The following APP variants were observed in gnomAD, a reference collection of about 807,000 sequenced individuals.
The protein encoded by APP is amyloid-beta precursor protein.
APP carries 31 observed loss-of-function variants against 101.4 expected under a neutral mutation model. The ratio of observed to expected loss-of-function variants is 0.31; its 90% CI spans 0.23 to 0.41. The LOEUF is 0.41. Ranked by LOEUF, APP falls within the 10% of genes least tolerant of loss-of-function variation. APP has a pLI of 1.00. For missense variants in APP, 839 were observed against 1,003.7 expected, an observed-to-expected ratio of 0.84 and a Z score of 2.22; for synonymous variants, 366 against 364.4, an observed-to-expected ratio of 1.00 and a Z score of -0.05.
At chr21:26,072,043 CTATT>C (rs768916844) in intron 3 of APP, among the ~76,000 whole-genome samples, 1 of 152,196 alleles carries the variant, frequency 6.6e-6, no homozygotes, top group Non-Finnish European at 1.5e-5. Flanking sequence ...GGGCAGTTGA[CTATT>C]TATATAAGTC....
intron 3 of APP, among the ~76,000 whole-genome samples, chr21:26,075,400 T>C (rs1003019566): frequency 5.3e-5 from 8 of 152,334 alleles, no homozygotes; most frequent in Admixed American, 3.3e-4. Context: ...TATCAGGCCC[T>C]CAAAGCCACT....
chr21:25,886,317 T>C (rs896951103), intron 17 of APP, among the ~76,000 whole-genome samples: 6 of 152,200 alleles, frequency 3.9e-5, no homozygotes, highest in Non-Finnish European at 7.3e-5. Flanking sequence ...TATATATAAC[T>C]AGAAGGCAGT....
At chr21:26,084,272 T>C (rs1450012301) in intron 3 of APP, among the ~76,000 whole-genome samples, 2 of 124,698 alleles carry the variant, frequency 1.6e-5, no homozygotes, top group Non-Finnish European at 3.2e-5. Context: ...TGAGTCTCGC[T>C]CTGTCCCCCA....
intron 2 of APP, among the ~76,000 whole-genome samples, chr21:26,102,005 C>A (rs1324133406): frequency 6.7e-6 from 1 of 150,188 alleles, no homozygotes; most frequent in East Asian, 1.9e-4. Context: ...GAAATAGATT[C>A]TTGAGATGTA....
chr21:25,914,748 T>C (rs2039269725), intron 13 of APP, among the ~76,000 whole-genome samples: 1 of 151,884 alleles, frequency 6.6e-6, no homozygotes, highest in Non-Finnish European at 1.5e-5. Context: ...AGAGACGGGG[T>C]TTCACCGTGT....
intron 16 of APP, among the ~76,000 whole-genome samples, chr21:25,896,286 T>C (rs533036522): frequency 6.6e-6 from 1 of 152,318 alleles, no homozygotes; most frequent in Non-Finnish European, 1.5e-5. Flanking sequence ...CAGTTTTTTA[T>C]TTGCTACAAT....
Position 25,901,952 on chromosome 21 carries a change from C to T in APP, c.1963+3072G>A, listed in dbSNP as rs529030649. Among the ~76,000 whole-genome samples the T allele has an allele frequency of 1.9e-3, 286 of 152,242 alleles. 2 individuals are homozygous for T. Among genetic ancestry groups the T allele is most frequent in the African/African-American group, 6.6e-3 (273 of 41,540 alleles). On this transcript the variant is annotated intron_variant, in intron 15 of 17. Transcript: ENST00000346798. ...CGCTAATGTGTTTTTCTTTTTTATTCTGGTCAAACTGTATAATTAGTCCTT... is the reference window on the plus strand; with the variant it reads ...CGCTAATGTGTTTTTCTTTTTTATTTTGGTCAAACTGTATAATTAGTCCTT...
chr21:25,954,300 T>C (rs1050614546), intron 13 of APP, among the ~76,000 whole-genome samples: 2 of 152,198 alleles, frequency 1.3e-5, no homozygotes, highest in African/African-American at 4.8e-5. Flanking sequence ...CATAACAAGA[T>C]TGGGCAAATT....
chr21:25,918,125 C>G (rs2039444820), intron 13 of APP, among the ~76,000 whole-genome samples: 1 of 152,188 alleles, frequency 6.6e-6, no homozygotes, highest in Non-Finnish European at 1.5e-5. Context: ...TGAGGAGATT[C>G]TGCAAGGATA....
At chr21:25,899,298 A>ATAGTT (rs977337636) in intron 15 of APP, among the ~76,000 whole-genome samples, 5 of 152,184 alleles carry the variant, frequency 3.3e-5, no homozygotes, top group African/African-American at 1.2e-4. Context: ...GCAAGATGTC[A>ATAGTT]TAGTTTAAAA....
At chr21:26,047,222 GA>G (rs1480472107) in intron 5 of APP, among the ~76,000 whole-genome samples, 3 of 152,240 alleles carry the variant, frequency 2.0e-5, no homozygotes, top group Admixed American at 6.5e-5. Context: ...ATTAGCGATA[GA>G]AAAACACTCA....
At chr21:26,051,716 A>G (rs940680764) in intron 4 of APP, among the ~76,000 whole-genome samples, 15 of 152,238 alleles carry the variant, frequency 9.9e-5, no homozygotes, top group African/African-American at 3.4e-4. Flanking sequence ...ACTAAGAATC[A>G]GAACTTACAG....
At chr21:25,930,537 CTT>C (rs2040098630) in intron 13 of APP, among the ~76,000 whole-genome samples, 1 of 150,278 alleles carries the variant, frequency 6.7e-6, no homozygotes, top group Non-Finnish European at 1.5e-5. Flanking sequence ...CCTAAAAAGA[CTT>C]ATGCAGATAA....
At chr21:25,970,023 A>AAT (rs1555832053) in intron 11 of APP, among the ~76,000 whole-genome samples, 1 of 150,394 alleles carries the variant, frequency 6.6e-6, no homozygotes, top group African/African-American at 2.5e-5. Context: ...AGAGAGAGAG[A>AAT]AAATAAATAA....
intron 2 of APP, among the ~76,000 whole-genome samples, chr21:26,105,440 G>A (rs555577349): frequency 7.2e-5 from 11 of 152,032 alleles, no homozygotes; most frequent in Non-Finnish European, 1.5e-4. Context: ...AGAAGGAAAC[G>A]TGGTAACATT....
intron 1 of APP, among the ~76,000 whole-genome samples, chr21:26,157,659 G>T (rs145663692): frequency 2.6e-5 from 4 of 152,240 alleles, no homozygotes; most frequent in African/African-American, 9.6e-5. Context: ...TTTCTGTGAC[G>T]TATCTTCATT....
chr21:26,041,780 G>A (rs2045380258), intron 5 of APP, among the ~76,000 whole-genome samples: 1 of 151,982 alleles, frequency 6.6e-6, no homozygotes, highest in Non-Finnish European at 1.5e-5. Context: ...CTATAAAAGT[G>A]TTTTGCTTTT....
At chr21:26,108,939 G>A (rs1172025532) in intron 2 of APP, among the ~76,000 whole-genome samples, 1 of 152,068 alleles carries the variant, frequency 6.6e-6, no homozygotes, top group Non-Finnish European at 1.5e-5. Context: ...AAAGTCTAGT[G>A]ACTTCCTGTT....
At chr21:26,091,054 A>G (rs1434317040) in intron 2 of APP, among the ~76,000 whole-genome samples, 1 of 152,266 alleles carries the variant, frequency 6.6e-6, no homozygotes, top group Non-Finnish European at 1.5e-5. Context: ...AGAGATTTGA[A>G]AGAAAAACAT....
Sources: gnomAD v4.1 joint callset for allele counts (sites outside exome capture counted in the v4.1 genomes callset) on GRCh38, gnomAD v4.1.1 for gene constraint, MANE v1.5 for transcripts, NCBI Gene and HGNC (gene_info 2026-07-23, HGNC 2026-07-21) for gene names.